Variants in SLC11A2 observed in about 807,000 individuals in gnomAD.
SLC11A2 encodes the protein natural resistance-associated macrophage protein 2.
In SLC11A2, 38 loss-of-function variants were observed where a neutral mutation model predicts 68.0. That is an observed-to-expected ratio of 0.56 (90% CI 0.43 to 0.73). The LOEUF (loss-of-function observed/expected upper bound fraction) is 0.73. Among genes scored for constraint, SLC11A2 ranks in the 30% least tolerant of loss-of-function variants. The pLI is 0.00. For missense variants in SLC11A2, 517 were observed against 690.5 expected, an observed-to-expected ratio of 0.75 and a Z score of 2.82; for synonymous variants, 242 against 250.6, an observed-to-expected ratio of 0.97 and a Z score of 0.32.
At chr12:51,007,991 G>A (rs966500403) in intron 3 of SLC11A2, among the ~76,000 whole-genome samples, 2 of 152,130 alleles carry the variant, frequency 1.3e-5, no homozygotes, top group South Asian at 2.1e-4. Context: ...CTTGAGGCCA[G>A]GAGTTCAAGA....
chr12:50,956,112 C>T, the SLC11A2 span, among the ~76,000 whole-genome samples: 3 of 152,334 alleles, frequency 2.0e-5, no homozygotes, highest in Admixed American at 2.0e-4. Flanking sequence ...ATTTGGTAGG[C>T]TGGGCACAGT....
intron 13 of SLC11A2, among the ~76,000 whole-genome samples, chr12:50,991,949 C>G (rs1941193526): frequency 6.6e-6 from 1 of 152,138 alleles, no homozygotes; most frequent in Non-Finnish European, 1.5e-5. Context: ...CATTAATGAA[C>G]TACAATTTTG....
At chr12:50,989,314 AC>A (rs1025834631) in intron 15 of SLC11A2, among the ~76,000 whole-genome samples, 1 of 152,006 alleles carries the variant, frequency 6.6e-6, no homozygotes, top group African/African-American at 2.4e-5. Flanking sequence ...ACATGGCAAA[AC>A]CCCATCTCTA....
chr12:51,005,814 C>T, intron 3 of SLC11A2: 1 of 550,910 alleles, frequency 1.8e-6, no homozygotes, highest in Admixed American at 3.3e-5. Context: ...ACTTGGGACA[C>T]TGAGGAGAGC....
chr12:50,968,924 C>T, the SLC11A2 span, among the ~76,000 whole-genome samples: 1 of 152,172 alleles, frequency 6.6e-6, no homozygotes, highest in South Asian at 2.1e-4. Context: ...AGTGATCCTC[C>T]TCCCTTGGCC....
At chr12:50,957,693 T>G in the SLC11A2 span, among the ~76,000 whole-genome samples, 1 of 151,636 alleles carries the variant, frequency 6.6e-6, no homozygotes, top group Non-Finnish European at 1.5e-5. Context: ...GAGACCAGCC[T>G]GGCCAACATG....
chr12:50,993,410 G>A lies in SLC11A2; in HGVS notation c.1078-481C>T, dbSNP rs531084570. On this transcript the variant is annotated intron_variant, in intron 11 of 15. Transcript: ENST00000262052. ...ACACTTTACTAAGAACACTTTCTTG[G>A]GGCTGGGTAGGGTGGCTCACGCTTG... Among the ~76,000 whole-genome samples, 52 of 152,106 alleles carry A rather than the reference G, an allele frequency of 3.4e-4. No individual in the cohort carries two copies. In the South Asian group the frequency reaches 0.011, roughly 31 times the overall value.
chr12:50,988,522 C>T (rs1376236057), intron 15 of SLC11A2, 87 bp from the exon 16 acceptor site: 1 of 1,585,872 alleles, frequency 6.3e-7, no homozygotes, highest in Non-Finnish European at 8.6e-7. Flanking sequence ...CAAACCTGCT[C>T]CCTTCCTTGA....
the SLC11A2 span, among the ~76,000 whole-genome samples, chr12:50,972,536 C>G: frequency 6.6e-6 from 1 of 152,208 alleles, no homozygotes; most frequent in Non-Finnish European, 1.5e-5. Flanking sequence ...CGAATAGGAA[C>G]AGCTCCAGTC....
intron 3 of SLC11A2, chr12:51,008,262 A>AC (rs1942915570): frequency 1.1e-5 from 5 of 471,868 alleles, no homozygotes; most frequent in African/African-American, 8.0e-5. Context: ...AGATAGATAG[A>AC]CGGACAGACA....
chr12:50,965,253 A>G, the SLC11A2 span, among the ~76,000 whole-genome samples: 2 of 151,164 alleles, frequency 1.3e-5, no homozygotes, highest in Admixed American at 6.6e-5. Flanking sequence ...AGCTGGGACT[A>G]CACGTGTGCA....
chr12:51,003,510 A>C (rs1360624799), intron 5 of SLC11A2, among the ~76,000 whole-genome samples: 1 of 151,104 alleles, frequency 6.6e-6, no homozygotes, highest in African/African-American at 2.4e-5. Context: ...ACACCACTGA[A>C]CTCTGAACTC....
At chr12:50,976,090 T>A (rs1200288251), downstream of SLC11A2, among the ~76,000 whole-genome samples, 6 of 150,714 alleles carry the variant, frequency 4.0e-5, no homozygotes, top group South Asian at 2.1e-4. Flanking sequence ...CCATTCCTTC[T>A]GAAACTATTC....
chr12:51,011,380 A>C (rs529735343), intron 1 of SLC11A2, among the ~76,000 whole-genome samples: 1 of 152,108 alleles, frequency 6.6e-6, no homozygotes, highest in East Asian at 1.9e-4. Flanking sequence ...CGCCCGCCTC[A>C]GCCTCCCATA....
At chr12:50,999,054 T>G in intron 8 of SLC11A2, 120 bp downstream of exon 8, 1 of 862,898 alleles carries the variant, frequency 1.2e-6, no homozygotes, top group Non-Finnish European at 1.8e-6. Context: ...GGCTTTTTGT[T>G]GATACACCCA....
chr12:50,954,999 T>C, the SLC11A2 span, among the ~76,000 whole-genome samples: 1 of 151,874 alleles, frequency 6.6e-6, no homozygotes, highest in African/African-American at 2.4e-5. Flanking sequence ...AAAGAAGTGA[T>C]ACTATAATTA....
chr12:50,966,824 T>C, the SLC11A2 span, among the ~76,000 whole-genome samples: 1 of 152,168 alleles, frequency 6.6e-6, no homozygotes, highest in Non-Finnish European at 1.5e-5. Flanking sequence ...TAAGTGACTT[T>C]GTGAGGTTGG....
chr12:51,004,786 A>C lies in SLC11A2; in HGVS notation c.429+2T>G. On this transcript the variant is annotated splice_donor_variant, in intron 5 of 15. Coordinates refer to ENST00000262052, the MANE Select transcript of SLC11A2 (RefSeq NM_000617.3). LOFTEE classifies it high-confidence loss of function. ...AGACAAACAGGACAATACATTGCTC[A>C]CCTTGGGATACTGACGGTGACATAC... is the stretch of plus-strand genomic sequence containing the variant. The C allele has an allele frequency of 6.2e-7, 1 of 1,613,870 alleles. No homozygotes were observed. The highest frequency in any genetic ancestry group is 8.5e-7 in the Non-Finnish European group (1 of 1,179,880).
chr12:50,961,158 A>G, the SLC11A2 span: 1 of 1,548,666 alleles, frequency 6.5e-7, no homozygotes, highest in South Asian at 1.2e-5. Context: ...ACATTTATTT[A>G]TTTTATTCAT....
Sources: allele counts gnomAD v4.1 joint callset (sites outside exome capture counted in the v4.1 genomes callset), GRCh38; gene constraint gnomAD v4.1.1; transcripts MANE v1.5; gene names NCBI Gene and HGNC (gene_info 2026-07-23, HGNC 2026-07-21).